CEP70: variants seen among roughly 807,000 people sequenced by gnomAD.
CEP70 encodes centrosomal protein 70.
CEP70 carries 70 observed loss-of-function variants against 90.9 expected under a neutral mutation model. The ratio of observed to expected loss-of-function variants is 0.77; its 90% CI spans 0.64 to 0.94. The LOEUF (loss-of-function observed/expected upper bound fraction) is 0.94, where lower values mean the gene tolerates loss of function less well. Among genes scored for constraint, CEP70 ranks in the 40% least tolerant of loss-of-function variants. The pLI is 0.00. For missense variants in CEP70, 648 were observed against 669.0 expected, an observed-to-expected ratio of 0.97 and a Z score of 0.35; for synonymous variants, 220 against 228.3, an observed-to-expected ratio of 0.96 and a Z score of 0.33.
intron 6 of CEP70, among the ~76,000 whole-genome samples, chr3:138,554,943 A>G (rs1018913716): frequency 6.6e-6 from 1 of 152,154 alleles, no homozygotes; most frequent in Non-Finnish European, 1.5e-5. Context: ...CTTGATCCTC[A>G]TCTCTGACCT....
At chr3:138,585,167 A>G (rs1395842007) in intron 2 of CEP70, among the ~76,000 whole-genome samples, 4 of 152,166 alleles carry the variant, frequency 2.6e-5, no homozygotes, top group African/African-American at 9.6e-5. Flanking sequence ...CCAAAAAGCT[A>G]TTTGAACTGG....
rs114797755 is a variant in CEP70, at chr3:138,501,652, G to A, written c.1222-771C>T. On this transcript the variant is annotated intron_variant, in intron 13 of 17. Coordinates refer to ENST00000264982, the MANE Select transcript of CEP70 (RefSeq NM_024491.4). Reference sequence around the variant, plus strand: ...TTTTAATGTGAAAGGTTCCCTAAATGTATTCTACATTATAATACTCCACTT... The same window carrying A: ...TTTTAATGTGAAAGGTTCCCTAAATATATTCTACATTATAATACTCCACTT... 2.0e-5 allele frequency among the ~76,000 whole-genome samples: 3 copies of A among 152,124 alleles called. 1 individual carries two copies. In the South Asian group the frequency reaches 6.2e-4, roughly 31 times the overall value.
chr3:138,530,074 C>A lies in CEP70; in HGVS notation c.693-612G>T, dbSNP rs529151333. On this transcript the variant is annotated intron_variant, in intron 8 of 17. Transcript: ENST00000264982. ...AAAGCAAATGAAAGATACTGAAGGA[C>A]TCTGTGAAATGCAAAGTGCTAGCAA... Among the ~76,000 whole-genome samples, 20 of 152,264 alleles carry A rather than the reference C, an allele frequency of 1.3e-4. No homozygotes were observed. The South Asian group carries it at 3.9e-3, about 30-fold the overall frequency.
intron 2 of CEP70, among the ~76,000 whole-genome samples, chr3:138,582,386 C>T (rs564847925): frequency 1.1e-4 from 17 of 152,072 alleles, no homozygotes; most frequent in African/African-American, 3.1e-4. Flanking sequence ...GCAGGAGAAT[C>T]GCTTGAACCT....
chr3:138,545,084 AT>A (rs2039082942), intron 6 of CEP70, among the ~76,000 whole-genome samples: 2 of 152,230 alleles, frequency 1.3e-5, no homozygotes, highest in Non-Finnish European at 2.9e-5. Context: ...ACATAAAAAA[AT>A]ATAAATATTT....
At chr3:138,581,184 C>T (rs1175961161) in intron 2 of CEP70, among the ~76,000 whole-genome samples, 1 of 151,166 alleles carries the variant, frequency 6.6e-6, no homozygotes, top group Admixed American at 6.6e-5. Context: ...ACTCGGGAGG[C>T]TGAGGCAGAA....
chr3:138,515,907 T>G (rs1254927841), intron 11 of CEP70, among the ~76,000 whole-genome samples: 6 of 152,154 alleles, frequency 3.9e-5, no homozygotes, highest in African/African-American at 1.4e-4. Context: ...ACAACCACCT[T>G]GTTATTCAAG....
chr3:138,503,702 G>GCCT (rs569618712), intron 13 of CEP70, among the ~76,000 whole-genome samples: 68 of 151,956 alleles, frequency 4.5e-4, no homozygotes, highest in Non-Finnish European at 8.2e-4. Context: ...CGAATTCCTT[G>GCCT]CCTCCTCCTC....
chr3:138,525,602 C>A, intron 10 of CEP70, 38 bp from the exon 11 acceptor site: 1 of 989,792 alleles, frequency 1.0e-6, no homozygotes. Context: ...ATTCAATTTA[C>A]TGAATAAAAG....
chr3:138,508,444 A>T lies in CEP70; in HGVS notation c.1045T>A (p.Phe349Ile), dbSNP rs1184095727. The T allele has an allele frequency of 1.3e-6, 2 of 1,592,426 alleles. 1 individual carries two copies. The highest frequency in any genetic ancestry group is 2.2e-5 in the South Asian group (2 of 90,652). Residue 349 changes from phenylalanine to isoleucine, a missense_variant, in exon 12 of 18, where the codon TTT (phenylalanine) becomes ATT (isoleucine). Transcript: ENST00000264982. ...ATGAAAAATCAATTCAATACCTGAA[A>T]GTATCTCTGGTCAATTAGGGCCTGT... ...QQQALIDQRY[F>I]QVLCSINSII...
Position 138,498,111 on chromosome 3 carries a change from C to T in CEP70, c.1653-1G>A. 6.2e-7 allele frequency: 1 copy of T among 1,611,274 alleles called. No individual in the cohort carries two copies. The highest frequency in any genetic ancestry group is 8.5e-7 in the Non-Finnish European group (1 of 1,178,652). On this transcript the variant is annotated splice_acceptor_variant, in intron 16 of 17. Coordinates refer to ENST00000264982, the MANE Select transcript of CEP70 (RefSeq NM_024491.4). LOFTEE classifies it high-confidence loss of function. The stretch of plus-strand genomic sequence containing the variant: ...GTGTTCTTCCAATTTGTAGATAATG[C>T]TGTTTAAAAAATGCACAATTTAAAC...
At position 138,500,406 on chromosome 3, in the gene CEP70, TAA is replaced by T; in HGVS notation, c.1528_1529del (p.Leu510ArgfsTer4). The T allele has an allele frequency of 6.3e-7, 1 of 1,583,984 alleles. No homozygotes were observed. Among genetic ancestry groups the T allele is most frequent in the Non-Finnish European group, 8.5e-7 (1 of 1,171,468 alleles). ...NNAVRNLQEL[L>X]ELDSSSSLCV... Reference sequence around the variant, plus strand: ...GACAAATTAGGTCATCACCTAATTCTAAGAGTTCTTGGAGGTTTCTCACAGCA... The same window carrying T: ...GACAAATTAGGTCATCACCTAATTCTGAGTTCTTGGAGGTTTCTCACAGCA... On this transcript the variant is annotated frameshift_variant, in exon 15 of 18. Coordinates refer to ENST00000264982, the MANE Select transcript of CEP70 (RefSeq NM_024491.4). LOFTEE classifies it high-confidence loss of function.
rs1439740898 is a variant in CEP70 at position 138,496,126 on chromosome 3, C to T, written c.1733-1050G>A. On this transcript the variant is annotated intron_variant, in intron 17 of 17. Transcript: ENST00000264982. ...AGATCCCAGCCCTACTTAAGGTAAGCCACAATGGCAGGTTCTCTAGATACC... is the reference window on the plus strand; with the variant it reads ...AGATCCCAGCCCTACTTAAGGTAAGTCACAATGGCAGGTTCTCTAGATACC... The T allele has an allele frequency of 1.8e-5, 18 of 985,328 alleles. No individual in the cohort carries two copies. The South Asian group carries it at 6.6e-4, about 36-fold the overall frequency. 61.0% of individuals were successfully genotyped at this position (985,328 alleles called of 1,614,324 possible). A position where few individuals can be genotyped will look rare whatever the true frequency, so the allele number is the denominator to read the frequency against.
At chr3:138,544,981 T>C (rs528027200) in intron 6 of CEP70, among the ~76,000 whole-genome samples, 5 of 152,256 alleles carry the variant, frequency 3.3e-5, no homozygotes, top group African/African-American at 9.6e-5. Flanking sequence ...AGGAATAAGA[T>C]GTAGTATATG....
intron 6 of CEP70, among the ~76,000 whole-genome samples, chr3:138,547,793 G>A (rs12632794): frequency 0.12 from 18,264 of 152,162 alleles, 2,253 homozygotes; most frequent in East Asian, 0.38. Context: ...GTGGAAAAGG[G>A]ATGATTCATG....
At chr3:138,574,928 C>T (rs1319803085) in intron 2 of CEP70, among the ~76,000 whole-genome samples, 3 of 152,144 alleles carry the variant, frequency 2.0e-5, no homozygotes, top group Non-Finnish European at 4.4e-5. Flanking sequence ...GACATCCACA[C>T]CAAAACCCTA....
chr3:138,545,810 T>G (rs1299996634), intron 6 of CEP70, among the ~76,000 whole-genome samples: 4 of 152,186 alleles, frequency 2.6e-5, no homozygotes, highest in Admixed American at 2.6e-4. Context: ...CCTGGTCTCC[T>G]GCAGTACCCT....
intron 12 of CEP70, 103 bp from the exon 13 acceptor site, chr3:138,505,568 AT>A (rs1255165905): frequency 1.7e-6 from 1 of 605,176 alleles, no homozygotes; most frequent in African/African-American, 1.9e-5. Flanking sequence ...ATATACACAT[AT>A]TTCATTAAAT....
rs2037902474 is a variant in CEP70, at chr3:138,532,364, TAC to T, written c.692+148_692+149del. On this transcript the variant is annotated intron_variant, in intron 8 of 17. Transcript: ENST00000264982. The stretch of plus-strand genomic sequence containing the variant: ...ATACATCTTGACTTAAGTTGTAAAA[TAC>T]AGTCTTCAAGTTCTTTATAAAAAAG... 1.1e-5 allele frequency: 6 copies of T among 534,638 alleles called. No homozygotes were observed. In the South Asian group the frequency reaches 2.9e-4, roughly 26 times the overall value. The allele number at this position is 534,638 out of a possible 1,614,324, so 33.1% of individuals were successfully genotyped here.
Sources: gnomAD v4.1 joint callset for allele counts (sites outside exome capture counted in the v4.1 genomes callset) on GRCh38, gnomAD v4.1.1 for gene constraint, MANE v1.5 for transcripts, NCBI Gene and HGNC (gene_info 2026-07-23, HGNC 2026-07-21) for gene names.